ADAMTS3: variants seen among roughly 807,000 people sequenced by gnomAD.
The protein encoded by ADAMTS3 is ADAM metallopeptidase with thrombospondin type 1 motif 3, also known as A disintegrin and metalloproteinase with thrombospondin motifs 3.
ADAMTS3 carries 73 observed loss-of-function variants against 129.0 expected under a neutral mutation model. The observed-to-expected ratio is 0.57, with a 90% CI of 0.47 to 0.69. The LOEUF (loss-of-function observed/expected upper bound fraction) is 0.69, where lower values mean the gene tolerates loss of function less well. ADAMTS3 is among the 30% of genes least tolerant of loss of function. The pLI, the probability that ADAMTS3 is intolerant of heterozygous loss-of-function variation, is 0.00. For synonymous variants in ADAMTS3, 477 were observed against 510.8 expected, an observed-to-expected ratio of 0.93 and a Z score of 0.89; for missense variants, 1,457 against 1,514.5, an observed-to-expected ratio of 0.96 and a Z score of 0.63.
chr4:72,439,960 T>C (rs1483760900), intron 3 of ADAMTS3, among the ~76,000 whole-genome samples: 1 of 151,820 alleles, frequency 6.6e-6, no homozygotes, highest in South Asian at 2.1e-4. Context: ...TGGTTACTTA[T>C]GACTTTTTAA....
Position 72,339,613 on chromosome 4 carries a change from G to C in ADAMTS3, c.742C>G (p.Arg248Gly). 1 of 1,613,886 alleles carries C rather than the reference G, an allele frequency of 6.2e-7. No individual in the cohort carries two copies. The highest frequency in any genetic ancestry group is 2.2e-5 in the East Asian group (1 of 44,864). ...TAATCGTTTTCTCCCGCGTGTCTGC[G>C]GCGTCTCATTGTTTCATTCAGCTGC... Reference protein sequence around the residue: ...HQQLNETMRRRRHAGENDYNI... With the variant: ...HQQLNETMRRGRHAGENDYNI... The change falls in exon 5 of 22, where the codon CGC becomes GGC. Residue 248 changes from arginine (R) to glycine (G), a missense_variant. Arg to Gly is a moderately radical substitution (Grantham distance 125, BLOSUM62 -2). Coordinates refer to ENST00000286657, the MANE Select transcript of ADAMTS3 (RefSeq NM_014243.3).
At chr4:72,435,686 C>A (rs1211962235) in intron 3 of ADAMTS3, among the ~76,000 whole-genome samples, 2 of 151,778 alleles carry the variant, frequency 1.3e-5, no homozygotes, top group East Asian at 3.9e-4. Context: ...ACAGAGCCCT[C>A]AAAATTAATA....
chr4:72,392,837 G>A (rs1721632415), intron 4 of ADAMTS3, among the ~76,000 whole-genome samples: 1 of 151,998 alleles, frequency 6.6e-6, no homozygotes, highest in South Asian at 2.1e-4. Context: ...TTAGTTTTAG[G>A]AGGAACTAGA....
At chr4:72,451,421 T>C (rs541173380) in intron 3 of ADAMTS3, among the ~76,000 whole-genome samples, 5 of 151,898 alleles carry the variant, frequency 3.3e-5, no homozygotes, top group Middle Eastern at 3.4e-3. Context: ...ATGAGTATAA[T>C]AGACTGATCA....
At chr4:72,439,894 C>T (rs929515519) in intron 3 of ADAMTS3, among the ~76,000 whole-genome samples, 12 of 151,730 alleles carry the variant, frequency 7.9e-5, no homozygotes, top group African/African-American at 2.7e-4. Flanking sequence ...AAAGTTGCTT[C>T]CTTCTCCAAT....
chr4:72,357,808 ATC>A (rs1442939011), intron 4 of ADAMTS3, among the ~76,000 whole-genome samples: 2 of 151,948 alleles, frequency 1.3e-5, no homozygotes, highest in East Asian at 3.9e-4. Flanking sequence ...AATACTATCG[ATC>A]AAGAAAAAGT....
intron 4 of ADAMTS3, among the ~76,000 whole-genome samples, chr4:72,399,356 C>G (rs942629763): frequency 6.6e-6 from 1 of 152,034 alleles, no homozygotes; most frequent in Non-Finnish European, 1.5e-5. Flanking sequence ...TTGCTTAAAT[C>G]CAGGAGTTTG....
At chr4:72,465,609 G>A (rs1040620214) in intron 3 of ADAMTS3, among the ~76,000 whole-genome samples, 4 of 152,098 alleles carry the variant, frequency 2.6e-5, no homozygotes, top group Middle Eastern at 3.4e-3. Context: ...GAACTAAAAA[G>A]GGCAAAATCT....
At chr4:72,453,454 G>C (rs1455993657) in intron 3 of ADAMTS3, among the ~76,000 whole-genome samples, 1 of 151,706 alleles carries the variant, frequency 6.6e-6, no homozygotes, top group Non-Finnish European at 1.5e-5. Context: ...CAACAATCCA[G>C]CAAGTCAGTA....
chr4:72,305,505 T>C (rs1003605826), intron 16 of ADAMTS3, among the ~76,000 whole-genome samples: 1 of 152,050 alleles, frequency 6.6e-6, no homozygotes, highest in Non-Finnish European at 1.5e-5. Flanking sequence ...ACATATTTAT[T>C]TTCTTATTCC....
intron 3 of ADAMTS3, among the ~76,000 whole-genome samples, chr4:72,452,688 T>G (rs1389444583): frequency 6.6e-6 from 1 of 151,784 alleles, no homozygotes; most frequent in Non-Finnish European, 1.5e-5. Context: ...GCTGATTTCG[T>G]GCATCAGGGA....
intron 3 of ADAMTS3, among the ~76,000 whole-genome samples, chr4:72,536,423 C>A (rs1283682459): frequency 5.3e-5 from 8 of 152,158 alleles, no homozygotes; most frequent in Admixed American, 5.2e-4. Flanking sequence ...AATTGGGTTA[C>A]TGCAGCGTAT....
At chr4:72,524,666 T>C (rs1720763512) in intron 3 of ADAMTS3, among the ~76,000 whole-genome samples, 1 of 152,124 alleles carries the variant, frequency 6.6e-6, no homozygotes, top group Admixed American at 6.6e-5. Flanking sequence ...CCGGAGTCTG[T>C]TCCCTTAACC....
chr4:72,455,999 T>A (rs1353131684), intron 3 of ADAMTS3, among the ~76,000 whole-genome samples: 1 of 35,576 alleles, frequency 2.8e-5, no homozygotes, highest in African/African-American at 1.0e-4. Flanking sequence ...TATATATATT[T>A]TACATATAGT....
Position 72,295,752 on chromosome 4 carries a change from T to A in ADAMTS3, c.2625A>T (p.Lys875Asn). 6.2e-7 allele frequency: 1 copy of A among 1,612,792 alleles called. No individual in the cohort carries two copies. The highest frequency in any genetic ancestry group is 8.5e-7 in the Non-Finnish European group (1 of 1,179,078). The change falls in exon 19 of 22, where the codon AAA becomes AAT. Residue 875 changes from lysine to asparagine, a missense_variant. Transcript: ENST00000286657. ...FQYTKYGCRR[K>N]SDNKMVHRSF... ...TGCGATGGACCATTTTATTATCACT[T>A]TTCCTACGGCATCCATATTTAGTGT...
chr4:72,286,181 C>T (rs1184262481), intron 21 of ADAMTS3, among the ~76,000 whole-genome samples: 2 of 152,134 alleles, frequency 1.3e-5, no homozygotes, highest in South Asian at 4.1e-4. Flanking sequence ...TCTTGCTAAC[C>T]ATTGGGCACG....
chr4:72,562,958 T>C (rs1721939026), intron 2 of ADAMTS3, among the ~76,000 whole-genome samples: 1 of 152,178 alleles, frequency 6.6e-6, no homozygotes, highest in Non-Finnish European at 1.5e-5. Flanking sequence ...CAACTCTTCA[T>C]ATCAAAATTA....
chr4:72,466,679 C>A (rs868038010), intron 3 of ADAMTS3, among the ~76,000 whole-genome samples: 58 of 151,988 alleles, frequency 3.8e-4, no homozygotes, highest in South Asian at 2.1e-4. Context: ...CTGGTAGGCT[C>A]CATGTAATCT....
intron 3 of ADAMTS3, among the ~76,000 whole-genome samples, chr4:72,512,300 T>C (rs1016498638): frequency 1.3e-5 from 2 of 152,148 alleles, no homozygotes; most frequent in African/African-American, 4.8e-5. Context: ...AAGACCAGCC[T>C]GGCCAATATG....
Sources: allele counts gnomAD v4.1 joint callset (sites outside exome capture counted in the v4.1 genomes callset), GRCh38; gene constraint gnomAD v4.1.1; transcripts MANE v1.5; gene names NCBI Gene and HGNC (gene_info 2026-07-23, HGNC 2026-07-21).